Variants in ADRA2C observed in about 807,000 individuals in gnomAD.
The protein encoded by ADRA2C is adrenoceptor alpha 2C, also known as alpha-2C adrenergic receptor.
A neutral mutation model predicts 7.9 loss-of-function variants in ADRA2C; 4 were observed. That is an observed-to-expected ratio of 0.51 (90% CI 0.25 to 1.16). The LOEUF is 1.16. ADRA2C is among the 50% of genes most tolerant of loss of function. The probability of loss-of-function intolerance (pLI) is 0.15; values close to 1 mark genes in which losing one functional copy is unlikely to be tolerated. For missense variants in ADRA2C, 589 were observed against 677.7 expected (o/e 0.87, Z 1.45); for synonymous variants, 368 against 328.9 (o/e 1.12, Z -1.29).
In ADRA2C at chr4:3,767,174, C is replaced by T; in HGVS notation, c.568C>T (p.Leu190Phe). 2.5e-6 allele frequency: 4 copies of T among 1,609,944 alleles called. No homozygotes were observed. The highest frequency in any genetic ancestry group is 2.5e-6 in the Non-Finnish European group (3 of 1,179,674). Residue 190 changes from leucine to phenylalanine, a missense_variant, in exon 1 of 1, where the codon CTC becomes TTC. Physicochemically the swap from Leu to Phe is conservative, Grantham distance 22. Coordinates refer to ENST00000330055, the MANE Select transcript of ADRA2C (RefSeq NM_000683.4). ...CATCTCCTTCCCGCCGCTGGTCTCG[C>T]TCTACCGCCAGCCCGACGGCGCCGC... ...AVISFPPLVS[L>F]YRQPDGAAYP... is the part of the protein sequence containing the mutation.
rs1413447460 is a variant in ADRA2C at position 3,767,839 on chromosome 4, C to G, written c.1233C>G (p.Ala411=). The G allele has an allele frequency of 6.2e-7, 1 of 1,613,208 alleles. No homozygotes were observed. Among genetic ancestry groups the G allele is most frequent in the South Asian group, 1.1e-5 (1 of 91,086 alleles). Residue 411 remains alanine (A), a synonymous_variant, in exon 1 of 1, where the codon GCC becomes GCG. Transcript: ENST00000330055. The part of the protein sequence containing the change: ...SYSLYGICRE[A]CQVPGPLFKF... ...GCCTGTACGGCATCTGCCGCGAGGC[C>G]TGCCAGGTGCCCGGCCCGCTCTTCA... is the stretch of plus-strand genomic sequence containing the variant.
chr4:3,767,724 C>T lies in ADRA2C; in HGVS notation c.1118C>T (p.Ala373Val), dbSNP rs868214442. Residue 373 changes from alanine (A) to valine (V), a missense_variant, in exon 1 of 1, where the codon GCC becomes GTC. Transcript: ENST00000330055. Reference sequence around the variant, plus strand: ...AGCAGCGTGTGCCGCCGCAAGGTGGCCCAGGCGCGCGAGAAGCGCTTCACC... The same window carrying T: ...AGCAGCGTGTGCCGCCGCAAGGTGGTCCAGGCGCGCGAGAAGCGCTTCACC... ...ARSSVCRRKV[A>V]QAREKRFTFV... is the part of the protein sequence containing the mutation. 3.7e-6 allele frequency: 6 copies of T among 1,611,496 alleles called. No homozygotes were observed. Among genetic ancestry groups the T allele is most frequent in the East Asian group, 2.2e-5 (1 of 44,736 alleles).
Position 3,766,922 on chromosome 4 carries a change from C to G in ADRA2C, c.316C>G (p.Pro106Ala), listed in dbSNP as rs1434130356. 1.2e-6 allele frequency: 2 copies of G among 1,610,754 alleles called. No individual in the cohort carries two copies. Among genetic ancestry groups the G allele is most frequent in the Non-Finnish European group, 1.7e-6 (2 of 1,179,752 alleles). Residue 106 changes from proline (P) to alanine (A), a missense_variant, in exon 1 of 1, where the codon CCC (proline) becomes GCC (alanine). Transcript: ENST00000330055. This position sits in a 1 kb window ranked among gnomAD's most constrained non-coding sequence, Gnocchi z 4.5. ...CATCCTGGTGGCCACGCTGGTCATG[C>G]CCTTCTCGTTGGCCAACGAGCTCAT... ...ADILVATLVM[P>A]FSLANELMAY...
At position 3,767,226 on chromosome 4, in the gene ADRA2C, A is replaced by G. The variant is rs1322490524; in HGVS notation, c.620A>G (p.Glu207Gly). The change falls in exon 1 of 1, where the codon GAG becomes GGG. Residue 207 changes from glutamate (E) to glycine (G), a missense_variant. Coordinates refer to ENST00000330055, the MANE Select transcript of ADRA2C (RefSeq NM_000683.4). ...TACCCGCAGTGCGGCCTCAACGACG[A>G]GACCTGGTACATCCTGTCCTCCTGC... Reference protein sequence around the residue: ...AAYPQCGLNDETWYILSSCIG... With the variant: ...AAYPQCGLNDGTWYILSSCIG... The G allele has an allele frequency of 6.2e-7, 1 of 1,610,626 alleles. No homozygotes were observed. Among genetic ancestry groups the G allele is most frequent in the Non-Finnish European group, 8.5e-7 (1 of 1,179,286 alleles).
Position 3,767,051 on chromosome 4 carries a change from C to G in ADRA2C, c.445C>G (p.Arg149Gly). Residue 149 changes from arginine to glycine, a missense_variant, in exon 1 of 1, where the codon CGC becomes GGC. By Grantham distance (125) the Arg-to-Gly change is moderately radical. Transcript: ENST00000330055. ...IVHLCAISLD[R>G]YWSVTQAVEY... ...GCATCTGTGTGCCATCAGCCTGGAC[C>G]GCTACTGGTCGGTGACGCAGGCCGT... 6.2e-7 allele frequency: 1 copy of G among 1,611,198 alleles called. No homozygotes were observed. Among genetic ancestry groups the G allele is most frequent in the Non-Finnish European group, 8.5e-7 (1 of 1,179,886 alleles).
At position 3,767,017 on chromosome 4, in the gene ADRA2C, G is replaced by A; in HGVS notation, c.411G>A (p.Ser137=). Residue 137 remains serine (S), a synonymous_variant, in exon 1 of 1, where the codon TCG becomes TCA. Coordinates refer to ENST00000330055, the MANE Select transcript of ADRA2C (RefSeq NM_000683.4). The part of the protein sequence containing the change: ...YLALDVLFCT[S]SIVHLCAISL... ...CGCTCGATGTGCTGTTTTGCACCTC[G>A]TCGATCGTGCATCTGTGTGCCATCA... 1 of 1,611,424 alleles carries A rather than the reference G, an allele frequency of 6.2e-7. No individual in the cohort carries two copies. Among genetic ancestry groups the A allele is most frequent in the South Asian group, 1.1e-5 (1 of 91,084 alleles).
Position 3,766,746 on chromosome 4 carries a change from C to T in ADRA2C, c.140C>T (p.Ser47Leu). 1 of 1,516,474 alleles carries T rather than the reference C, an allele frequency of 6.6e-7. No homozygotes were observed. The highest frequency in any genetic ancestry group is 8.8e-7 in the Non-Finnish European group (1 of 1,129,960). The allele number at this position is 1,516,474 out of a possible 1,614,324, so 93.9% of individuals were successfully genotyped here. A position where few individuals can be genotyped will look rare whatever the true frequency, so the allele number is the denominator to read the frequency against. ...ASWGPPRGQYSAGAVAGLAAV... is the reference protein window; with the variant it reads ...ASWGPPRGQYLAGAVAGLAAV... ...TGGGGGCCGCCGCGCGGCCAGTACT[C>T]GGCGGGCGCGGTGGCAGGGCTGGCT... Residue 47 changes from serine to leucine, a missense_variant, in exon 1 of 1, where the codon TCG (serine) becomes TTG (leucine). Ser to Leu is a moderately radical substitution (Grantham distance 145, BLOSUM62 -2). Coordinates refer to ENST00000330055, the MANE Select transcript of ADRA2C (RefSeq NM_000683.4). This position sits in a 1 kb window ranked among gnomAD's most constrained non-coding sequence, Gnocchi z 4.5.
At position 3,767,163 on chromosome 4, in the gene ADRA2C, C is replaced by T. The variant is rs1293489634; in HGVS notation, c.557C>T (p.Pro186Leu). ...ATCTCGGCCGTCATCTCCTTCCCGC[C>T]GCTGGTCTCGCTCTACCGCCAGCCC... is the stretch of plus-strand genomic sequence containing the variant. The part of the protein sequence containing the change: ...WLISAVISFP[P>L]LVSLYRQPDG... Residue 186 changes from proline (P) to leucine (L), a missense_variant, in exon 1 of 1, where the codon CCG becomes CTG. Physicochemically the swap from Pro to Leu is moderately conservative, Grantham distance 98. Coordinates refer to ENST00000330055, the MANE Select transcript of ADRA2C (RefSeq NM_000683.4). 1.9e-6 allele frequency: 3 copies of T among 1,609,528 alleles called. No individual in the cohort carries two copies. Among genetic ancestry groups the T allele is most frequent in the Admixed American group, 3.3e-5 (2 of 59,974 alleles).
At position 3,767,361 on chromosome 4, in the gene ADRA2C, G is replaced by C; in HGVS notation, c.755G>C (p.Gly252Ala). ...RTLSEKRAPV[G>A]PDGASPTTEN... ...CTCAGCGAGAAGCGCGCCCCCGTGG[G>C]CCCCGACGGTGCGTCCCCGACTACC... The change falls in exon 1 of 1, where the codon GGC (glycine) becomes GCC (alanine). Residue 252 changes from glycine to alanine, a missense_variant. Transcript: ENST00000330055. 2 of 1,544,964 alleles carry C rather than the reference G, an allele frequency of 1.3e-6. No individual in the cohort carries two copies. Among genetic ancestry groups the C allele is most frequent in the South Asian group, 2.4e-5 (2 of 84,164 alleles).
At position 3,768,342 on chromosome 4, in the gene ADRA2C, G is replaced by C. The variant is rs7434444; in HGVS notation, c.*347G>C. 215,746 of 714,670 alleles carry C rather than the reference G, an allele frequency of 0.3. 37,649 individuals carry two copies. Among genetic ancestry groups the C allele is most frequent in the African/African-American group, 0.64 (36,810 of 57,248 alleles). 44.3% of individuals were successfully genotyped at this position (714,670 alleles called of 1,614,324 possible). Reference sequence around the variant, plus strand: ...ATGGGCAAGCAAGGAGCCCCCCAAAGACACTACCACTCCCCATCCCCGTCT... The same window carrying C: ...ATGGGCAAGCAAGGAGCCCCCCAAACACACTACCACTCCCCATCCCCGTCT... On this transcript the variant is annotated 3_prime_UTR_variant, in exon 1 of 1. Coordinates refer to ENST00000330055, the MANE Select transcript of ADRA2C (RefSeq NM_000683.4).
rs749049202 is a variant in ADRA2C, at chr4:3,766,814, G to T, written c.208G>T (p.Val70Leu). ...FLIVFTVVGN[V>L]LVVIAVLTSR... ...CATCGTCTTCACCGTGGTGGGCAAC[G>T]TGCTGGTGGTGATCGCCGTGCTGAC... The change falls in exon 1 of 1, where the codon GTG becomes TTG. Residue 70 changes from valine to leucine, a missense_variant. By Grantham distance (32) the Val-to-Leu change is conservative (BLOSUM62 1). Coordinates refer to ENST00000330055, the MANE Select transcript of ADRA2C (RefSeq NM_000683.4). This position sits in a 1 kb window ranked among gnomAD's most constrained non-coding sequence, Gnocchi z 4.5. 24 of 1,574,522 alleles carry T rather than the reference G, an allele frequency of 1.5e-5. No homozygotes were observed. Among genetic ancestry groups the T allele is most frequent in the Middle Eastern group, 1.7e-4 (1 of 6,040 alleles).
Position 3,767,629 on chromosome 4 carries a change from C to G in ADRA2C, c.1023C>G (p.Pro341=). ...GALTASRSPG[P]GGRLSRASSR... ...TGACCGCCTCCAGGTCCCCGGGGCC[C>G]GGTGGCCGCCTGTCGCGCGCCAGCT... Residue 341 remains proline (P), a synonymous_variant, in exon 1 of 1, where the codon CCC becomes CCG. Coordinates refer to ENST00000330055, the MANE Select transcript of ADRA2C (RefSeq NM_000683.4). 15 of 1,364,076 alleles carry G rather than the reference C, an allele frequency of 1.1e-5. No homozygotes were observed. Among genetic ancestry groups the G allele is most frequent in the South Asian group, 1.8e-5 (1 of 56,408 alleles). 84.5% of individuals were successfully genotyped at this position (1,364,076 alleles called of 1,614,324 possible).
Position 3,767,181 on chromosome 4 carries a change from GC to G in ADRA2C, c.577del (p.Gln193SerfsTer141). 1 of 1,609,804 alleles carries G rather than the reference GC, an allele frequency of 6.2e-7. No individual in the cohort carries two copies. ...ISFPPLVSLYRQPDGAAYPQC... is the reference protein window; with the variant it reads ...ISFPPLVSLYXQPDGAAYPQC... ...TTCCCGCCGCTGGTCTCGCTCTACCGCCAGCCCGACGGCGCCGCCTACCCGC... is the reference window on the plus strand; with the variant it reads ...TTCCCGCCGCTGGTCTCGCTCTACCGCAGCCCGACGGCGCCGCCTACCCGC... On this transcript the variant is annotated frameshift_variant, in exon 1 of 1. Transcript: ENST00000330055. LOFTEE classifies it low-confidence loss of function (END_TRUNC).
rs1376285256 is a variant in ADRA2C at position 3,767,473 on chromosome 4, C to T, written c.867C>T (p.Ser289=). 3.8e-6 allele frequency: 5 copies of T among 1,312,498 alleles called. No homozygotes were observed. The highest frequency in any genetic ancestry group is 3.2e-5 in the East Asian group (1 of 31,554). The allele number at this position is 1,312,498 out of a possible 1,614,324, so 81.3% of individuals were successfully genotyped here. Residue 289 remains serine (S), a synonymous_variant, in exon 1 of 1, where the codon AGC becomes AGT. Coordinates refer to ENST00000330055, the MANE Select transcript of ADRA2C (RefSeq NM_000683.4). The part of the protein sequence containing the change: ...PPADVEPDES[S]AAAERRRRRG... ...CCGACGTGGAGCCGGACGAGAGCAGCGCAGCGGCCGAGAGGCGGCGGCGCC... is the reference window on the plus strand; with the variant it reads ...CCGACGTGGAGCCGGACGAGAGCAGTGCAGCGGCCGAGAGGCGGCGGCGCC...
rs1476765766 is a variant in ADRA2C, at chr4:3,768,115, G to C, written c.*120G>C. 3.1e-6 allele frequency: 1 copy of C among 326,098 alleles called. No individual in the cohort carries two copies. Among genetic ancestry groups the C allele is most frequent in the African/African-American group, 4.5e-5 (1 of 22,102 alleles). The allele number at this position is 326,098 out of a possible 1,614,324, so 20.2% of individuals were successfully genotyped here. A position where few individuals can be genotyped will look rare whatever the true frequency, so the allele number is the denominator to read the frequency against. ...GGATTGGCCTCCAGGGCGCAGGGGA[G>C]GGTGCGGCAGGGCAGGAGCTTGGCA... On this transcript the variant is annotated 3_prime_UTR_variant, in exon 1 of 1. Transcript: ENST00000330055.
In ADRA2C at chr4:3,766,421, C is replaced by G. The variant is rs958638480; in HGVS notation, c.-186C>G. ...CGGCAGCTGCGGGGAGCCCGGCAGC[C>G]ACGCTCTCCGGCGCGCCGCCCGCGG... is the stretch of plus-strand genomic sequence containing the variant. On this transcript the variant is annotated 5_prime_UTR_variant, in exon 1 of 1. Transcript: ENST00000330055. This position sits in a 1 kb window ranked among gnomAD's most constrained non-coding sequence, Gnocchi z 4.5. 1 of 208,478 alleles carries G rather than the reference C, an allele frequency of 4.8e-6. No individual in the cohort carries two copies. Among genetic ancestry groups the G allele is most frequent in the Non-Finnish European group, 8.1e-6 (1 of 122,746 alleles). 12.9% of individuals were successfully genotyped at this position (208,478 alleles called of 1,614,324 possible).
In ADRA2C at chr4:3,767,351, G is replaced by A. The variant is rs1432952385; in HGVS notation, c.745G>A (p.Ala249Thr). The A allele has an allele frequency of 7.1e-6, 11 of 1,547,164 alleles. No individual in the cohort carries two copies. In the East Asian group the frequency reaches 1.5e-4, roughly 21 times the overall value. ...LRTRTLSEKRAPVGPDGASPT... is the reference protein window; with the variant it reads ...LRTRTLSEKRTPVGPDGASPT... ...CACGCGCACGCTCAGCGAGAAGCGCGCCCCCGTGGGCCCCGACGGTGCGTC... is the reference window on the plus strand; with the variant it reads ...CACGCGCACGCTCAGCGAGAAGCGCACCCCCGTGGGCCCCGACGGTGCGTC... The change falls in exon 1 of 1, where the codon GCC becomes ACC. Residue 249 changes from alanine to threonine, a missense_variant. Ala to Thr is a moderately conservative substitution (Grantham distance 58, BLOSUM62 0). Coordinates refer to ENST00000330055, the MANE Select transcript of ADRA2C (RefSeq NM_000683.4).
Position 3,767,328 on chromosome 4 carries a change from C to T in ADRA2C, c.722C>T (p.Thr241Met). The change falls in exon 1 of 1, where the codon ACG becomes ATG. Residue 241 changes from threonine to methionine, a missense_variant. By Grantham distance (81) the Thr-to-Met change is moderately conservative. Transcript: ENST00000330055. ...ARIYRVAKLR[T>M]RTLSEKRAPV... is the part of the protein sequence containing the mutation. ...ATCTACCGAGTGGCCAAGCTGCGCACGCGCACGCTCAGCGAGAAGCGCGCC... is the reference window on the plus strand; with the variant it reads ...ATCTACCGAGTGGCCAAGCTGCGCATGCGCACGCTCAGCGAGAAGCGCGCC... 1 of 1,572,676 alleles carries T rather than the reference C, an allele frequency of 6.4e-7. No homozygotes were observed. Among genetic ancestry groups the T allele is most frequent in the Non-Finnish European group, 8.6e-7 (1 of 1,161,514 alleles).
Position 3,766,776 on chromosome 4 carries a change from T to C in ADRA2C, c.170T>C (p.Val57Ala), listed in dbSNP as rs1330747728. Residue 57 changes from valine to alanine, a missense_variant, in exon 1 of 1, where the codon GTG becomes GCG. Coordinates refer to ENST00000330055, the MANE Select transcript of ADRA2C (RefSeq NM_000683.4). The surrounding 1 kb of genome is among the most constrained non-coding windows in gnomAD (Gnocchi z 4.5). ...SAGAVAGLAA[V>A]VGFLIVFTVV... Reference sequence around the variant, plus strand: ...GGCGCGGTGGCAGGGCTGGCTGCCGTGGTGGGCTTCCTCATCGTCTTCACC... The same window carrying C: ...GGCGCGGTGGCAGGGCTGGCTGCCGCGGTGGGCTTCCTCATCGTCTTCACC... The C allele has an allele frequency of 1.3e-6, 2 of 1,549,234 alleles. No individual in the cohort carries two copies. Among genetic ancestry groups the C allele is most frequent in the Non-Finnish European group, 1.7e-6 (2 of 1,146,404 alleles).
Sources: allele counts gnomAD v4.1 joint callset, GRCh38; gene constraint gnomAD v4.1.1; non-coding constraint Gnocchi (gnomAD v3.1); transcripts MANE v1.5; gene names NCBI Gene and HGNC (gene_info 2026-07-23, HGNC 2026-07-21).